PITRM1: variants seen among roughly 807,000 people sequenced by gnomAD.
PITRM1 encodes the protein presequence protease, mitochondrial.
PITRM1 carries 100 observed loss-of-function variants against 129.9 expected under a neutral mutation model. The observed-to-expected ratio is 0.77, with a 90% confidence interval of 0.65 to 0.91. PITRM1 has a LOEUF of 0.91. Ranked by LOEUF, PITRM1 falls within the 40% of genes least tolerant of loss-of-function variation. The probability of loss-of-function intolerance (pLI) is 0.00; values close to 1 mark genes in which losing one functional copy is unlikely to be tolerated. For synonymous variants in PITRM1, 591 were observed against 508.8 expected, an observed-to-expected ratio of 1.16 and a Z score of -2.17; for missense variants, 1,471 against 1,318.3, an observed-to-expected ratio of 1.12 and a Z score of -1.79.
At chr10:3,157,559 G>T in intron 11 of PITRM1, 28 bp from the exon 12 acceptor site, 3 of 1,414,884 alleles carry the variant, frequency 2.1e-6, no homozygotes, top group African/African-American at 1.4e-5. Context: ...GAACAAAGAT[G>T]GGCCAGACAC....
chr10:3,172,616 G>T, intron 1 of PITRM1, 101 bp downstream of exon 1: 1 of 1,101,290 alleles, frequency 9.1e-7, no homozygotes, highest in Non-Finnish European at 1.2e-6. Flanking sequence ...GGAGCTGCCA[G>T]CCCCGGGCGC....
In PITRM1 at chr10:3,165,466, G is replaced by A; in HGVS notation, c.480C>T (p.Leu160=). 6.2e-7 allele frequency: 1 copy of A among 1,613,720 alleles called. No homozygotes were observed. The highest frequency in any genetic ancestry group is 8.5e-7 in the Non-Finnish European group (1 of 1,179,768). The change falls in exon 5 of 27, where the codon CTC becomes CTT. Residue 160 remains leucine (L), a synonymous_variant. Transcript: ENST00000224949. ...AAAAGGTGGCATCCAAATACACCGA[G>A]AGGAGATTCTGAAAGTCCTTGGGAT... ...TQNPKDFQNL[L]SVYLDATFFP...
chr10:3,160,218 G>T lies in PITRM1; in HGVS notation c.904C>A (p.Pro302Thr), dbSNP rs528433422. Residue 302 changes from proline (P) to threonine (T), a missense_variant, in exon 8 of 27, where the codon CCC (proline) becomes ACC (threonine). Transcript: ENST00000224949. The part of the protein sequence containing the change: ...EPSTVVPAQT[P>T]WDKPREFQIT... ...GGGGCACTCACAGGCTTGTCCCAGG[G>T]TGTCTGAGCTGGCACCACGGTGCTT... 17 of 1,613,822 alleles carry T rather than the reference G, an allele frequency of 1.1e-5. No homozygotes were observed. The Admixed American group carries it at 1.5e-4, about 14-fold the overall frequency.
intron 4 of PITRM1, among the ~76,000 whole-genome samples, chr10:3,165,925 A>G (rs1229091649): frequency 6.6e-6 from 1 of 152,234 alleles, no homozygotes; most frequent in African/African-American, 2.4e-5. Flanking sequence ...AGTCTTACTA[A>G]AAGTCAAACA....
intron 17 of PITRM1, 41 bp from the exon 18 acceptor site, chr10:3,148,104 A>G (rs760617427): frequency 1.5e-5 from 24 of 1,613,904 alleles, no homozygotes; most frequent in East Asian, 6.7e-5. Context: ...TTAGGGCCGA[A>G]TCGAACAGTG....
rs145254593 is a variant in PITRM1, at chr10:3,151,468, G to T, written c.1622-105C>A. ...TTAACATCCAGAATTAGCCGTCCAC[G>T]CCAAGTGTGGGGAGTACAGGAGCAC... On this transcript the variant is annotated intron_variant, in intron 14 of 26. Coordinates refer to ENST00000224949, the MANE Select transcript of PITRM1 (RefSeq NM_014889.4). 394 of 719,858 alleles carry T rather than the reference G, an allele frequency of 5.5e-4. 5 individuals are homozygous for T. The East Asian group carries it at 0.011, about 19-fold the overall frequency. 44.6% of individuals were successfully genotyped at this position (719,858 alleles called of 1,614,324 possible). A position where few individuals can be genotyped will look rare whatever the true frequency, so the allele number is the denominator to read the frequency against.
chr10:3,142,339 CGGAGG>C (rs1840321797), intron 23 of PITRM1, among the ~76,000 whole-genome samples: 1 of 152,256 alleles, frequency 6.6e-6, no homozygotes, highest in South Asian at 2.1e-4. Context: ...ACGTGCACCT[CGGAGG>C]CCCGGCTCCT....
intron 6 of PITRM1, 96 bp from the exon 7 acceptor site, chr10:3,163,981 A>G (rs1842666989): frequency 2.6e-6 from 2 of 754,840 alleles, no homozygotes; most frequent in East Asian, 3.0e-5. Flanking sequence ...ATTCTGGTGC[A>G]TACACCTGTA....
Position 3,137,735 on chromosome 10 carries a change from A to T in PITRM1, c.*296T>A, listed in dbSNP as rs1426362766. ...TAATGACTCAAGCAGAGGTTAAGTC[A>T]GAGTTGCCCTTTATTTTTAGATTCT... On this transcript the variant is annotated 3_prime_UTR_variant, in exon 27 of 27. Transcript: ENST00000224949. 1.1e-4 allele frequency: 45 copies of T among 420,090 alleles called. No individual in the cohort carries two copies. The highest frequency in any genetic ancestry group is 1.6e-4 in the Non-Finnish European group (35 of 218,262). 26.0% of individuals were successfully genotyped at this position (420,090 alleles called of 1,614,324 possible). A position where few individuals can be genotyped will look rare whatever the true frequency, so the allele number is the denominator to read the frequency against.
intron 22 of PITRM1, 126 bp downstream of exon 22, chr10:3,144,166 C>T (rs1840585999): frequency 1.1e-5 from 7 of 635,950 alleles, no homozygotes; most frequent in East Asian, 5.5e-5. Context: ...GCACTGAACT[C>T]GCAACTCTAG....
intron 7 of PITRM1, among the ~76,000 whole-genome samples, chr10:3,162,887 C>G (rs553917343): frequency 4.3e-4 from 65 of 152,222 alleles, no homozygotes; most frequent in African/African-American, 1.5e-3. Flanking sequence ...CACTTTGGGG[C>G]CAACTAGAAA....
In PITRM1 at chr10:3,165,287, G is replaced by A. The variant is rs201270190; in HGVS notation, c.581C>T (p.Thr194Met). 163 of 1,587,336 alleles carry A rather than the reference G, an allele frequency of 1.0e-4. 1 individual carries two copies. The highest frequency in any genetic ancestry group is 1.2e-4 in the Non-Finnish European group (143 of 1,167,100). The change falls in exon 6 of 27, where the codon ACG becomes ATG. Residue 194 changes from threonine to methionine, a missense_variant. Physicochemically the swap from Thr to Met is moderately conservative, Grantham distance 81. Transcript: ENST00000224949. ...GACGACTCCTTTAAAGACCAAGGGCGTCTGGGGGTCGCTCGGATTCTCATG... is the reference window on the plus strand; with the variant it reads ...GACGACTCCTTTAAAGACCAAGGGCATCTGGGGGTCGCTCGGATTCTCATG... ...LEHENPSDPQ[T>M]PLVFKGVVFN... is the part of the protein sequence containing the mutation.
chr10:3,170,717 C>A (rs752624567), intron 1 of PITRM1, among the ~76,000 whole-genome samples: 1 of 152,090 alleles, frequency 6.6e-6, no homozygotes, highest in Non-Finnish European at 1.5e-5. Context: ...CTGAAGAGGC[C>A]GGGCGTGGTG....
chr10:3,143,632 T>A (rs1840506645), intron 22 of PITRM1, 131 bp from the exon 23 acceptor site: 1 of 726,032 alleles, frequency 1.4e-6, no homozygotes, highest in African/African-American at 1.7e-5. Flanking sequence ...ACTGGAGCCA[T>A]CTCAGGGGTC....
At chr10:3,142,727 G>A (rs954898384) in intron 23 of PITRM1, among the ~76,000 whole-genome samples, 1 of 152,176 alleles carries the variant, frequency 6.6e-6, no homozygotes, top group Admixed American at 6.5e-5. Context: ...GCTCAACCCA[G>A]GGCCTCCTTC....
At position 3,137,981 on chromosome 10, in the gene PITRM1, C is replaced by T; in HGVS notation, c.*50G>A. ...AGCATTTCTGACTTTTCATATTCAG[C>T]TCGGAGGTGTATTGTCTCGGGCTCC... On this transcript the variant is annotated 3_prime_UTR_variant, in exon 27 of 27. Transcript: ENST00000224949. 9.5e-7 allele frequency: 1 copy of T among 1,048,608 alleles called. No individual in the cohort carries two copies. The highest frequency in any genetic ancestry group is 1.4e-6 in the Non-Finnish European group (1 of 690,090). The allele number at this position is 1,048,608 out of a possible 1,614,324, so 65.0% of individuals were successfully genotyped here.
chr10:3,151,173 T>G (rs1408048676), intron 15 of PITRM1, 74 bp downstream of exon 15: 5 of 815,376 alleles, frequency 6.1e-6, no homozygotes, highest in Non-Finnish European at 1.1e-5. Flanking sequence ...ATGACTCTAC[T>G]GCTTCTGTGA....
At chr10:3,152,652 C>T (rs892430495) in intron 14 of PITRM1, among the ~76,000 whole-genome samples, 16 of 152,246 alleles carry the variant, frequency 1.1e-4, no homozygotes, top group African/African-American at 3.9e-4. Context: ...CTGGGCTCTG[C>T]AGGCTTCCCC....
chr10:3,140,526 G>A (rs572490923), intron 24 of PITRM1, among the ~76,000 whole-genome samples, 161 bp downstream of exon 24: 1 of 152,192 alleles, frequency 6.6e-6, no homozygotes, highest in Non-Finnish European at 1.5e-5. Flanking sequence ...CGCCAGAAAG[G>A]ACATTGCTGG....
Sources: gnomAD v4.1 joint callset for allele counts (sites outside exome capture counted in the v4.1 genomes callset) on GRCh38, gnomAD v4.1.1 for gene constraint, MANE v1.5 for transcripts, NCBI Gene and HGNC (gene_info 2026-07-23, HGNC 2026-07-21) for gene names.